The following IRAK2 variants were observed in gnomAD, a reference collection of about 807,000 sequenced individuals.
IRAK2 encodes interleukin-1 receptor-associated kinase-like 2.
In IRAK2, 57 loss-of-function variants were observed where a neutral mutation model predicts 72.0. The observed-to-expected ratio is 0.79, with a 90% CI of 0.64 to 0.99. IRAK2 has a LOEUF of 0.99. Ranked by LOEUF, IRAK2 falls within the 50% of genes least tolerant of loss-of-function variation. The pLI is 0.00. For synonymous variants in IRAK2, 293 were observed against 312.7 expected, an observed-to-expected ratio of 0.94 and a Z score of 0.67; for missense variants, 790 against 794.4, an observed-to-expected ratio of 0.99 and a Z score of 0.07.
intron 3 of IRAK2, among the ~76,000 whole-genome samples, chr3:10,208,840 C>G (rs1697473023): frequency 6.6e-6 from 1 of 152,060 alleles, no homozygotes; most frequent in Non-Finnish European, 1.5e-5. Context: ...AACTCCTGGG[C>G]TGAAGCAATC....
rs71055805 is a variant in IRAK2, at chr3:10,183,720, A to AAAATAAATAAATAAAT, written c.277+5711_277+5726dup. ...TGGCGGCAGAGCGAGACTCCGTCTCAAAATAAATAAATAAATAAATAAATA... is the reference window on the plus strand; with the variant it reads ...TGGCGGCAGAGCGAGACTCCGTCTCAAAATAAATAAATAAATAAATAAATAAATAAATAAATAAATA... On this transcript the variant is annotated intron_variant, in intron 2 of 12. Coordinates refer to ENST00000256458, the MANE Select transcript of IRAK2 (RefSeq NM_001570.4). Among the ~76,000 whole-genome samples, 593 of 151,096 alleles carry AAAATAAATAAATAAAT rather than the reference A, an allele frequency of 3.9e-3. 5 individuals carry two copies. Among genetic ancestry groups the AAAATAAATAAATAAAT allele is most frequent in the African/African-American group, 0.014 (566 of 41,058 alleles).
chr3:10,168,050 C>A (rs1038559915), intron 1 of IRAK2, among the ~76,000 whole-genome samples: 2 of 151,772 alleles, frequency 1.3e-5, no homozygotes. Flanking sequence ...GCCCATCTCA[C>A]CTTCCCAAAT....
rs11465931 is a variant in IRAK2 at position 10,239,047 on chromosome 3, G to T, written c.1765+8G>T. 1 of 1,574,674 alleles carries T rather than the reference G, an allele frequency of 6.4e-7. No homozygotes were observed. Among genetic ancestry groups the T allele is most frequent in the East Asian group, 2.3e-5 (1 of 44,440 alleles). On this transcript the variant is annotated splice_region_variant and intron_variant, in intron 12 of 12. Transcript: ENST00000256458. ...TGGAGCCTCCCCAGGATGGTAAGCC[G>T]GAAGTCAGAGTGCATTTGGATGCTC...
chr3:10,194,220 C>T (rs1416750540), intron 2 of IRAK2, among the ~76,000 whole-genome samples: 3 of 151,602 alleles, frequency 2.0e-5, no homozygotes, highest in African/African-American at 7.3e-5. Flanking sequence ...AAGCTGGAAT[C>T]GCAGAGCTTG....
chr3:10,181,265 C>A (rs1460738987), intron 2 of IRAK2, among the ~76,000 whole-genome samples: 1 of 152,060 alleles, frequency 6.6e-6, no homozygotes, highest in Non-Finnish European at 1.5e-5. Context: ...CCTTACATTC[C>A]CCCTGCGAAA....
intron 1 of IRAK2, among the ~76,000 whole-genome samples, chr3:10,170,144 T>C (rs372670984): frequency 6.6e-6 from 1 of 152,210 alleles, no homozygotes; most frequent in Non-Finnish European, 1.5e-5. Context: ...TCCTGAGGCC[T>C]GCAGCATCCT....
chr3:10,165,454 G>A (rs891914970), intron 1 of IRAK2, among the ~76,000 whole-genome samples: 1 of 151,148 alleles, frequency 6.6e-6, no homozygotes, highest in Admixed American at 6.6e-5. Flanking sequence ...TGTGTGTGTG[G>A]TGTGTTTAGT....
rs781172857 is a variant in IRAK2 at position 10,189,413 on chromosome 3, G to A, written c.278-10956G>A. 8.5e-4 allele frequency among the ~76,000 whole-genome samples: 130 copies of A among 152,216 alleles called. 2 individuals are homozygous for A. Among genetic ancestry groups the A allele is most frequent in the Admixed American group, 4.3e-3 (65 of 15,276 alleles). ...ACCGGAGAGTGAAGGGAAGACGTTG[G>A]AGGGCTTCCACCTGGGAGTATCCCC... On this transcript the variant is annotated intron_variant, in intron 2 of 12. Transcript: ENST00000256458.
intron 7 of IRAK2, among the ~76,000 whole-genome samples, chr3:10,217,987 C>T (rs1262345368): frequency 1.3e-5 from 2 of 152,152 alleles, no homozygotes; most frequent in African/African-American, 4.8e-5. Flanking sequence ...GTGACTTGCC[C>T]AAAGGAACAT....
chr3:10,234,350 G>C (rs1166816475), intron 10 of IRAK2, 109 bp from the exon 11 acceptor site: 2 of 792,274 alleles, frequency 2.5e-6, no homozygotes, highest in Non-Finnish European at 4.3e-6. Context: ...TACGATGTCC[G>C]GTCGGTTTTC....
At chr3:10,167,657 C>T (rs1696718248) in intron 1 of IRAK2, among the ~76,000 whole-genome samples, 1 of 152,070 alleles carries the variant, frequency 6.6e-6, no homozygotes, top group African/African-American at 2.4e-5. Flanking sequence ...CCGTGTAATC[C>T]ACCTACCTCG....
At chr3:10,241,217 C>G (rs1453561983) in intron 12 of IRAK2, among the ~76,000 whole-genome samples, 1 of 150,234 alleles carries the variant, frequency 6.7e-6, no homozygotes, top group Non-Finnish European at 1.5e-5. Context: ...TAAAGATCAG[C>G]CTGGGCAACA....
rs1208924842 is a variant in IRAK2, at chr3:10,242,193, G to GA, written c.1848dup (p.Val617SerfsTer5). The GA allele has an allele frequency of 6.2e-7, 1 of 1,613,170 alleles. No homozygotes were observed. Among genetic ancestry groups the GA allele is most frequent in the African/African-American group, 1.3e-5 (1 of 74,872 alleles). ...GGAGAATATTCTGCTCTACAAAGAG[G>GA]AAAAAGTGGACAGCATTGAGCTCTT... On this transcript the variant is annotated frameshift_variant, in exon 13 of 13. Coordinates refer to ENST00000256458, the MANE Select transcript of IRAK2 (RefSeq NM_001570.4). LOFTEE classifies it high-confidence loss of function.
intron 3 of IRAK2, among the ~76,000 whole-genome samples, chr3:10,204,171 A>G (rs752086376): frequency 6.6e-6 from 1 of 152,240 alleles, no homozygotes; most frequent in Non-Finnish European, 1.5e-5. Flanking sequence ...CTCTATAAAC[A>G]TCAGCTCTTT....
At chr3:10,231,810 C>T (rs979704440) in intron 10 of IRAK2, among the ~76,000 whole-genome samples, 5 of 152,108 alleles carry the variant, frequency 3.3e-5, no homozygotes, top group East Asian at 1.9e-4. Flanking sequence ...CCACCACGCC[C>T]GGGCATGGTT....
At chr3:10,233,770 T>C (rs1697904714) in intron 10 of IRAK2, among the ~76,000 whole-genome samples, 1 of 152,190 alleles carries the variant, frequency 6.6e-6, no homozygotes, top group South Asian at 2.1e-4. Context: ...TAAAAGACTA[T>C]TGAATGTTCC....
At chr3:10,209,776 T>TAAACTGGTCTCAAGGG in intron 4 of IRAK2, 84 bp downstream of exon 4, 1 of 749,766 alleles carries the variant, frequency 1.3e-6, no homozygotes, top group Non-Finnish European at 2.1e-6. Context: ...CTCTACCCCT[T>TAAACTGGTCTCAAGGG]GAGACCAGTT....
intron 2 of IRAK2, among the ~76,000 whole-genome samples, chr3:10,180,624 C>A (rs896065026): frequency 2.6e-5 from 4 of 152,018 alleles, no homozygotes; most frequent in African/African-American, 9.7e-5. Flanking sequence ...CTGGGAACCA[C>A]CTGGCTGGAC....
chr3:10,225,927 C>T (rs1222187783), intron 9 of IRAK2, among the ~76,000 whole-genome samples: 1 of 152,142 alleles, frequency 6.6e-6, no homozygotes, highest in Non-Finnish European at 1.5e-5. Context: ...TCTCGATCTC[C>T]TGACCACGTG....
Sources: gnomAD v4.1 joint callset for allele counts (sites outside exome capture counted in the v4.1 genomes callset) on GRCh38, gnomAD v4.1.1 for gene constraint, MANE v1.5 for transcripts, NCBI Gene and HGNC (gene_info 2026-07-23, HGNC 2026-07-21) for gene names.